NCK1: variants seen among roughly 807,000 people sequenced by gnomAD.
NCK1 encodes SH2/SH3 adapter protein NCK1.
NCK1 carries 19 observed loss-of-function variants against 36.6 expected under a neutral mutation model. That is an observed-to-expected ratio of 0.52 (90% CI 0.36 to 0.76). NCK1 has a LOEUF of 0.76. Ranked by LOEUF, NCK1 falls within the 30% of genes least tolerant of loss-of-function variation. NCK1 has a pLI of 0.00. For synonymous variants in NCK1, 165 were observed against 156.0 expected (o/e 1.06, Z -0.43); for missense variants, 358 against 445.6 (o/e 0.80, Z 1.77).
intron 1 of NCK1, among the ~76,000 whole-genome samples, chr3:136,869,790 T>A (rs1270044339): frequency 6.6e-6 from 1 of 152,180 alleles, no homozygotes; most frequent in Non-Finnish European, 1.5e-5. Context: ...TCTTGGTCTG[T>A]TTTTCATTTA....
rs1940289770 is a variant in NCK1, at chr3:136,928,006, CAGA to C, written c.11_13del (p.Glu4del). ...CAGTGCTGAAGCTGCTGAAAGATGG[CAGA>C]AGAAGTGGTGGTAGTAGCCAAATTT... On this transcript the variant is annotated inframe_deletion, in exon 2 of 4. Coordinates refer to ENST00000481752, the MANE Select transcript of NCK1 (RefSeq NM_001291999.2). The C allele has an allele frequency of 6.2e-7, 1 of 1,611,280 alleles. No individual in the cohort carries two copies. The highest frequency in any genetic ancestry group is 1.3e-5 in the African/African-American group (1 of 74,898).
chr3:136,893,193 C>A lies in NCK1; in HGVS notation c.-19+30840C>A, dbSNP rs866894036. ...GTGTGTGTGTGTATATATATATATA[C>A]ACACATGTGCAAGTATCTTTTTCGT... On this transcript the variant is annotated intron_variant, in intron 1 of 3. Transcript: ENST00000481752. Among the ~76,000 whole-genome samples, 23 of 81,400 alleles carry A rather than the reference C, an allele frequency of 2.8e-4. 6 individuals carry two copies. The highest frequency in any genetic ancestry group is 1.2e-3 in the African/African-American group (23 of 18,800). 53.4% of individuals were successfully genotyped at this position (81,400 alleles called of 152,430 possible). A position where few individuals can be genotyped will look rare whatever the true frequency, so the allele number is the denominator to read the frequency against.
At chr3:136,901,461 T>A (rs1939540010) in intron 1 of NCK1, among the ~76,000 whole-genome samples, 1 of 152,094 alleles carries the variant, frequency 6.6e-6, no homozygotes, top group Admixed American at 6.6e-5. Context: ...TGATGTTAGT[T>A]CTTCTATGAG....
intron 1 of NCK1, among the ~76,000 whole-genome samples, chr3:136,893,178 G>GTGTATA: frequency 2.9e-5 from 1 of 34,648 alleles, no homozygotes; most frequent in African/African-American, 9.9e-5. Flanking sequence ...GTGTGTGTGT[G>GTGTATA]TATATATATA....
intron 1 of NCK1, among the ~76,000 whole-genome samples, chr3:136,874,464 G>A (rs773222966): frequency 5.9e-5 from 9 of 152,328 alleles, no homozygotes; most frequent in South Asian, 4.1e-4. Flanking sequence ...ACAGGCGTGA[G>A]CCACCACGCC....
At chr3:136,933,786 C>T (rs867805598) in intron 2 of NCK1, among the ~76,000 whole-genome samples, 1 of 152,108 alleles carries the variant, frequency 6.6e-6, no homozygotes, top group Non-Finnish European at 1.5e-5. Context: ...CTCACTGCCA[C>T]TTCTGTCTCT....
At chr3:136,864,506 C>A (rs1271852834) in intron 1 of NCK1, among the ~76,000 whole-genome samples, 3 of 149,226 alleles carry the variant, frequency 2.0e-5, no homozygotes, top group Admixed American at 6.7e-5. Flanking sequence ...AAAAAAAAAA[C>A]AGAAACAAAA....
chr3:136,904,636 T>A (rs1464543761), intron 1 of NCK1, among the ~76,000 whole-genome samples: 1 of 152,198 alleles, frequency 6.6e-6, no homozygotes, highest in African/African-American at 2.4e-5. Flanking sequence ...GAAGAAGACC[T>A]TTTTGATTTG....
chr3:136,891,202 C>T (rs1234743439), intron 1 of NCK1, among the ~76,000 whole-genome samples: 5 of 152,190 alleles, frequency 3.3e-5, no homozygotes, highest in South Asian at 2.1e-4. Flanking sequence ...GGCACGATCT[C>T]GGCTCATTTG....
intron 1 of NCK1, chr3:136,899,221 TCTTG>T (rs1396137059): frequency 1.6e-5 from 4 of 254,878 alleles, no homozygotes; most frequent in Non-Finnish European, 3.2e-5. Context: ...CATTTAGGTC[TCTTG>T]CTTTCAGCTG....
intron 1 of NCK1, among the ~76,000 whole-genome samples, chr3:136,880,963 G>C (rs902026055): frequency 1.3e-5 from 2 of 152,024 alleles, no homozygotes; most frequent in Non-Finnish European, 2.9e-5. Context: ...TGCTTTCTGC[G>C]CTCTACCCTA....
chr3:136,867,948 G>A (rs112821333), intron 1 of NCK1, among the ~76,000 whole-genome samples: 5 of 150,970 alleles, frequency 3.3e-5, no homozygotes, highest in Non-Finnish European at 5.9e-5. Context: ...ACAGAGTTTC[G>A]CAGTTTTTGC....
intron 1 of NCK1, among the ~76,000 whole-genome samples, chr3:136,911,441 C>G (rs1442275395): frequency 6.6e-6 from 1 of 152,186 alleles, no homozygotes; most frequent in Non-Finnish European, 1.5e-5. Context: ...TTGATAAAAG[C>G]CATGCTAACG....
chr3:136,867,116 CTTTGTTTCTTTCTT>C (rs1560028527), intron 1 of NCK1, among the ~76,000 whole-genome samples: 2 of 28,362 alleles, frequency 7.1e-5, no homozygotes, highest in African/African-American at 2.5e-4. Context: ...TTCTTTCTTT[CTTTGTTTCTTTCTT>C]TCCTTCCTTC....
chr3:136,917,520 C>T (rs561651736), intron 1 of NCK1, among the ~76,000 whole-genome samples: 209 of 152,276 alleles, frequency 1.4e-3, no homozygotes, highest in African/African-American at 4.7e-3. Context: ...AGACCATCTT[C>T]CTAGTGCCCT....
chr3:136,871,175 G>A (rs1225921532), intron 1 of NCK1, among the ~76,000 whole-genome samples: 2 of 151,792 alleles, frequency 1.3e-5, no homozygotes, highest in African/African-American at 2.4e-5. Context: ...GTGGGAGGAT[G>A]CCTTGAGGGT....
intron 1 of NCK1, among the ~76,000 whole-genome samples, chr3:136,902,198 T>TGG: frequency 7.6e-6 from 1 of 131,502 alleles, no homozygotes; most frequent in East Asian, 2.3e-4. Flanking sequence ...TTTTTTTTTT[T>TGG]TTTTGTTTTT....
At chr3:136,937,888 C>T (rs1940573731) in intron 2 of NCK1, among the ~76,000 whole-genome samples, 1 of 151,932 alleles carries the variant, frequency 6.6e-6, no homozygotes, top group Admixed American at 6.6e-5. Flanking sequence ...TCTGTGGATA[C>T]TTTTTCCCCT....
At chr3:136,881,082 C>T (rs971667497) in intron 1 of NCK1, among the ~76,000 whole-genome samples, 3 of 152,186 alleles carry the variant, frequency 2.0e-5, no homozygotes, top group African/African-American at 7.2e-5. Context: ...CATTCTAACT[C>T]ACATACTTCC....
Sources: allele counts gnomAD v4.1 joint callset (sites outside exome capture counted in the v4.1 genomes callset), GRCh38; gene constraint gnomAD v4.1.1; transcripts MANE v1.5; gene names NCBI Gene and HGNC (gene_info 2026-07-23, HGNC 2026-07-21).